The following FMNL2 variants were observed in gnomAD, a reference collection of about 807,000 sequenced individuals.
FMNL2 encodes the protein formin like 2.
Under a neutral mutation model 130.2 loss-of-function variants are expected in FMNL2, and 51 were observed. That is an observed-to-expected ratio of 0.39 (90% CI 0.31 to 0.49). The LOEUF (loss-of-function observed/expected upper bound fraction) is 0.49, where lower values mean the gene tolerates loss of function less well. Ranked by LOEUF, FMNL2 falls within the 20% of genes least tolerant of loss-of-function variation. The probability of loss-of-function intolerance (pLI) is 0.85; values close to 1 mark genes in which losing one functional copy is unlikely to be tolerated. For synonymous variants in FMNL2, 465 were observed against 467.1 expected (o/e 1.00, Z 0.06); for missense variants, 977 against 1,316.2 (o/e 0.74, Z 3.99).
At chr2:152,521,835 AAG>A (rs1171768978) in intron 1 of FMNL2, 106 bp from the exon 2 acceptor site, 2 of 817,966 alleles carry the variant, frequency 2.4e-6, no homozygotes, top group Non-Finnish European at 4.1e-6. Context: ...AATTGAGAGA[AAG>A]TCATGAAAAA....
chr2:152,465,582 A>G (rs895010680), intron 1 of FMNL2, among the ~76,000 whole-genome samples: 2 of 152,210 alleles, frequency 1.3e-5, no homozygotes, highest in African/African-American at 2.4e-5. Flanking sequence ...TTAAGGATAC[A>G]TTGCACTTAA....
intron 21 of FMNL2, among the ~76,000 whole-genome samples, chr2:152,632,341 G>A (rs1488582367): frequency 6.6e-6 from 1 of 152,190 alleles, no homozygotes. Context: ...TGATCTCTGT[G>A]TCCTTTCTGT....
chr2:152,492,741 A>G (rs1276371029), intron 1 of FMNL2, among the ~76,000 whole-genome samples: 1 of 152,204 alleles, frequency 6.6e-6, no homozygotes, highest in Non-Finnish European at 1.5e-5. Context: ...TTTTGACACT[A>G]AATTTTTCTC....
chr2:152,619,381 G>T, intron 14 of FMNL2, 128 bp from the exon 15 acceptor site: 3 of 1,426,154 alleles, frequency 2.1e-6, no homozygotes, highest in Admixed American at 2.7e-5. Flanking sequence ...GACATTTTTT[G>T]GTTTTTGAAA....
chr2:152,374,267 G>T (rs942117917), intron 1 of FMNL2, among the ~76,000 whole-genome samples: 14 of 152,174 alleles, frequency 9.2e-5, no homozygotes, highest in African/African-American at 3.4e-4. Flanking sequence ...TGGGGTGGGA[G>T]TGTTATTTTC....
chr2:152,604,635 G>A (rs1188662976), intron 9 of FMNL2, among the ~76,000 whole-genome samples: 3 of 151,706 alleles, frequency 2.0e-5, no homozygotes, highest in Admixed American at 6.6e-5. Context: ...TCACTTTGTC[G>A]CCCAGGCTGG....
intron 1 of FMNL2, among the ~76,000 whole-genome samples, chr2:152,402,055 A>C (rs575211228): frequency 6.6e-6 from 1 of 151,832 alleles, no homozygotes; most frequent in African/African-American, 2.4e-5. Flanking sequence ...CTACAGGCAC[A>C]TGCCACCCAG....
At chr2:152,406,808 A>G (rs931532850) in intron 1 of FMNL2, among the ~76,000 whole-genome samples, 1 of 152,210 alleles carries the variant, frequency 6.6e-6, no homozygotes, top group Non-Finnish European at 1.5e-5. Flanking sequence ...CTGATTTAGA[A>G]AAGTTTATTG....
intron 1 of FMNL2, among the ~76,000 whole-genome samples, chr2:152,364,565 A>C (rs972852681): frequency 6.6e-6 from 1 of 152,156 alleles, no homozygotes; most frequent in African/African-American, 2.4e-5. Flanking sequence ...GAATTTCTGA[A>C]GCGATTCCAT....
Position 152,574,319 on chromosome 2 carries a change from C to T in FMNL2, c.597-817C>T, listed in dbSNP as rs141953963. ...GGCATGGTGGTACACACCTGTAGTCCGAGCTACTCGGGAGGCTGAGGCAGG... is the reference window on the plus strand; with the variant it reads ...GGCATGGTGGTACACACCTGTAGTCTGAGCTACTCGGGAGGCTGAGGCAGG... On this transcript the variant is annotated intron_variant, in intron 6 of 25. Transcript: ENST00000288670. 8.8e-3 allele frequency among the ~76,000 whole-genome samples: 1,329 copies of T among 151,730 alleles called. 21 individuals carry two copies. The highest frequency in any genetic ancestry group is 0.03 in the African/African-American group (1,251 of 41,338).
At chr2:152,400,315 C>T (rs2105959281) in intron 1 of FMNL2, among the ~76,000 whole-genome samples, 1 of 152,250 alleles carries the variant, frequency 6.6e-6, no homozygotes, top group Non-Finnish European at 1.5e-5. Context: ...TGCCTGCAGT[C>T]CCAGCTACTC....
At chr2:152,392,320 C>T (rs6746190) in intron 1 of FMNL2, among the ~76,000 whole-genome samples, 2 of 152,130 alleles carry the variant, frequency 1.3e-5, no homozygotes, top group Admixed American at 6.5e-5. Context: ...CTCTCCCCCC[C>T]ACTCATCACA....
At chr2:152,376,220 T>C (rs1684163874) in intron 1 of FMNL2, among the ~76,000 whole-genome samples, 1 of 152,222 alleles carries the variant, frequency 6.6e-6, no homozygotes. Flanking sequence ...TAGTAAATTC[T>C]GTGGAATATA....
chr2:152,421,874 G>A (rs760257184), intron 1 of FMNL2, among the ~76,000 whole-genome samples: 18 of 152,172 alleles, frequency 1.2e-4, no homozygotes, highest in African/African-American at 4.3e-4. Flanking sequence ...TAACTATGAA[G>A]TAATTGCTAT....
intron 1 of FMNL2, among the ~76,000 whole-genome samples, chr2:152,336,734 A>G (rs1015711565): frequency 6.6e-6 from 1 of 152,112 alleles, no homozygotes; most frequent in Non-Finnish European, 1.5e-5. Context: ...GTTGGGAGGG[A>G]CACACACAGG....
chr2:152,586,869 T>C (rs993013056), intron 9 of FMNL2, among the ~76,000 whole-genome samples: 3 of 152,202 alleles, frequency 2.0e-5, no homozygotes, highest in African/African-American at 7.2e-5. Context: ...TTCATTTTTT[T>C]AGGCTCCTGG....
At chr2:152,438,670 G>T (rs1558864054) in intron 1 of FMNL2, among the ~76,000 whole-genome samples, 2 of 152,062 alleles carry the variant, frequency 1.3e-5, no homozygotes, top group Non-Finnish European at 2.9e-5. Context: ...CTATTTTAGT[G>T]GCCAGGGAAA....
intron 2 of FMNL2, among the ~76,000 whole-genome samples, chr2:152,540,315 G>C (rs1694238879): frequency 6.6e-6 from 1 of 152,004 alleles, no homozygotes; most frequent in Non-Finnish European, 1.5e-5. Flanking sequence ...TGATTCCTTG[G>C]TGAGGTGATG....
intron 9 of FMNL2, among the ~76,000 whole-genome samples, chr2:152,600,219 C>T (rs1041868367): frequency 2.6e-5 from 4 of 151,974 alleles, no homozygotes; most frequent in Middle Eastern, 3.4e-3. Context: ...GCCTCTAAAA[C>T]GGTGCCTTCC....
Sources: allele counts gnomAD v4.1 joint callset (sites outside exome capture counted in the v4.1 genomes callset), GRCh38; gene constraint gnomAD v4.1.1; transcripts MANE v1.5; gene names NCBI Gene and HGNC (gene_info 2026-07-23, HGNC 2026-07-21).